The following SYNDIG1 variants were observed in gnomAD, a reference collection of about 807,000 sequenced individuals.
SYNDIG1 encodes the protein synapse differentiation-inducing gene protein 1.
A neutral mutation model predicts 19.4 loss-of-function variants in SYNDIG1; 9 were observed. The ratio of observed to expected loss-of-function variants is 0.46; its 90% CI spans 0.28 to 0.81. SYNDIG1 has a LOEUF of 0.81. Ranked by LOEUF, SYNDIG1 falls within the 30% of genes least tolerant of loss-of-function variation. SYNDIG1 has a pLI of 0.12. For missense variants in SYNDIG1, 311 were observed against 343.3 expected (o/e 0.91, Z 0.74); for synonymous variants, 141 against 145.9 (o/e 0.97, Z 0.24).
chr20:24,487,182 T>G (rs1387075480), intron 1 of SYNDIG1, among the ~76,000 whole-genome samples: 2 of 152,152 alleles, frequency 1.3e-5, no homozygotes, highest in African/African-American at 4.8e-5. Context: ...CACTTATGGT[T>G]TAATTTGCCT....
rs982486456 is a variant in SYNDIG1, at chr20:24,479,997, C to T, written c.-79+10244C>T. Among the ~76,000 whole-genome samples the T allele has an allele frequency of 2.6e-5, 4 of 152,232 alleles. No homozygotes were observed. The East Asian group carries it at 7.7e-4, about 29-fold the overall frequency. The stretch of plus-strand genomic sequence containing the variant: ...CTGCACACACACACACTCCATGGTC[C>T]CACACGTGCACGCGCGCACGCACAC... On this transcript the variant is annotated intron_variant, in intron 1 of 3. Coordinates refer to ENST00000376862, the MANE Select transcript of SYNDIG1 (RefSeq NM_024893.3).
chr20:24,652,125 C>T (rs2059479719), intron 3 of SYNDIG1, among the ~76,000 whole-genome samples: 1 of 152,246 alleles, frequency 6.6e-6, no homozygotes, highest in African/African-American at 2.4e-5. Flanking sequence ...AGAAGAGTCA[C>T]TGCTCCCCAC....
intron 1 of SYNDIG1, among the ~76,000 whole-genome samples, chr20:24,539,632 G>C (rs2057429737): frequency 6.6e-6 from 1 of 152,118 alleles, no homozygotes; most frequent in South Asian, 2.1e-4. Flanking sequence ...CTGGGATTTT[G>C]CTACTGATCG....
intron 3 of SYNDIG1, among the ~76,000 whole-genome samples, chr20:24,642,436 C>T (rs899853054): frequency 6.6e-6 from 1 of 152,072 alleles, no homozygotes; most frequent in Non-Finnish European, 1.5e-5. Context: ...AGGAAGTCAC[C>T]GCACAGCCCA....
At chr20:24,556,951 T>C (rs532775857) in intron 2 of SYNDIG1, among the ~76,000 whole-genome samples, 4 of 152,316 alleles carry the variant, frequency 2.6e-5, no homozygotes, top group South Asian at 4.1e-4. Flanking sequence ...ACCAATCCGA[T>C]GTAGATTTGG....
chr20:24,565,175 T>C (rs1196577591), intron 2 of SYNDIG1, among the ~76,000 whole-genome samples: 2 of 152,014 alleles, frequency 1.3e-5, no homozygotes, highest in African/African-American at 4.8e-5. Context: ...TAATTAGAAA[T>C]CCCATTTTTG....
intron 2 of SYNDIG1, among the ~76,000 whole-genome samples, chr20:24,562,309 TATGTGCCACCATTG>T (rs572964940): frequency 4.1e-4 from 62 of 152,324 alleles, no homozygotes; most frequent in African/African-American, 1.4e-3. Context: ...ATGAAGCAAA[TATGTGCCACCATTG>T]AGGGCATGCC....
At chr20:24,641,248 A>G (rs1428817284) in intron 3 of SYNDIG1, among the ~76,000 whole-genome samples, 1 of 152,198 alleles carries the variant, frequency 6.6e-6, no homozygotes, top group Admixed American at 6.5e-5. Flanking sequence ...ACTTACTATG[A>G]AATACATTTT....
In SYNDIG1 at chr20:24,597,389, C is replaced by T. The variant is rs544581916; in HGVS notation, c.618+12396C>T. 3.9e-5 allele frequency among the ~76,000 whole-genome samples: 6 copies of T among 152,180 alleles called. No individual in the cohort carries two copies. The South Asian group carries it at 1.2e-3, about 32-fold the overall frequency. Reference sequence around the variant, plus strand: ...CCTTATCCCGTCTTGTGTCTTTTTTCCAAAGAGCTCAAGACATTAAAGACC... The same window carrying T: ...CCTTATCCCGTCTTGTGTCTTTTTTTCAAAGAGCTCAAGACATTAAAGACC... On this transcript the variant is annotated intron_variant, in intron 3 of 3. Transcript: ENST00000376862.
At chr20:24,661,846 G>A (rs914197932) in intron 3 of SYNDIG1, among the ~76,000 whole-genome samples, 3 of 152,072 alleles carry the variant, frequency 2.0e-5, no homozygotes, top group Non-Finnish European at 4.4e-5. Context: ...TTCACAAGAA[G>A]CCACTCCCTT....
chr20:24,641,648 C>A (rs557243570), intron 3 of SYNDIG1, among the ~76,000 whole-genome samples: 13 of 152,232 alleles, frequency 8.5e-5, no homozygotes, highest in African/African-American at 3.1e-4. Context: ...AGTAACAGGA[C>A]GTAAACTAGT....
chr20:24,645,919 C>T (rs2059418499), intron 3 of SYNDIG1, among the ~76,000 whole-genome samples: 1 of 152,194 alleles, frequency 6.6e-6, no homozygotes, highest in South Asian at 2.1e-4. Flanking sequence ...CAATGGTTTG[C>T]AGGAGTCAAG....
chr20:24,529,199 C>T (rs2057189687), intron 1 of SYNDIG1, among the ~76,000 whole-genome samples: 2 of 152,202 alleles, frequency 1.3e-5, no homozygotes, highest in African/African-American at 4.8e-5. Context: ...GGAGCCTCTG[C>T]ATCTCTAAAC....
At chr20:24,661,550 AG>A (rs2059601940) in intron 3 of SYNDIG1, among the ~76,000 whole-genome samples, 1 of 15,250 alleles carries the variant, frequency 6.6e-5, no homozygotes. Flanking sequence ...GGAGGGAGGG[AG>A]GAAAAAAGAG....
chr20:24,475,617 C>T (rs2053595562), intron 1 of SYNDIG1, among the ~76,000 whole-genome samples: 1 of 152,202 alleles, frequency 6.6e-6, no homozygotes, highest in Non-Finnish European at 1.5e-5. Flanking sequence ...CATGGATTGA[C>T]TGTAAGAGGC....
chr20:24,499,433 T>G (rs913897743), intron 1 of SYNDIG1, among the ~76,000 whole-genome samples: 1 of 152,202 alleles, frequency 6.6e-6, no homozygotes, highest in Non-Finnish European at 1.5e-5. Flanking sequence ...GCACAGTTAT[T>G]TCTGGCAGTG....
intron 2 of SYNDIG1, among the ~76,000 whole-genome samples, chr20:24,577,967 G>A (rs1183195531): frequency 2.0e-5 from 3 of 152,346 alleles, no homozygotes; most frequent in South Asian, 4.1e-4. Flanking sequence ...ACTGTCCTCT[G>A]TGCAAATTGT....
intron 1 of SYNDIG1, among the ~76,000 whole-genome samples, chr20:24,484,029 G>A (rs1381593397): frequency 6.6e-6 from 1 of 152,210 alleles, no homozygotes; most frequent in Non-Finnish European, 1.5e-5. Flanking sequence ...GGAGGTGGAA[G>A]TTGGATGTGA....
chr20:24,578,944 C>T (rs1052698220), intron 2 of SYNDIG1, among the ~76,000 whole-genome samples: 1 of 152,220 alleles, frequency 6.6e-6, no homozygotes, highest in African/African-American at 2.4e-5. Context: ...TTAGTGCTTC[C>T]CCTTGCCTCG....
Sources: allele counts gnomAD v4.1 joint callset (sites outside exome capture counted in the v4.1 genomes callset), GRCh38; gene constraint gnomAD v4.1.1; transcripts MANE v1.5; gene names NCBI Gene and HGNC (gene_info 2026-07-23, HGNC 2026-07-21).